The following CALB1 variants were observed in gnomAD, a reference collection of about 807,000 sequenced individuals.
CALB1 encodes calbindin.
A neutral mutation model predicts 46.7 loss-of-function variants in CALB1; 16 were observed. The ratio of observed to expected loss-of-function variants is 0.34; its 90% CI spans 0.23 to 0.52. CALB1 has a LOEUF of 0.52. Ranked by LOEUF, CALB1 falls within the 20% of genes least tolerant of loss-of-function variation. The probability of loss-of-function intolerance (pLI) is 0.95; values close to 1 mark genes in which losing one functional copy is unlikely to be tolerated. For missense variants in CALB1, 224 were observed against 300.3 expected (o/e 0.75, Z 1.88); for synonymous variants, 90 against 112.8 (o/e 0.80, Z 1.28).
At chr8:90,073,211 C>T (rs958039175) in intron 3 of CALB1, among the ~76,000 whole-genome samples, 1 of 152,052 alleles carries the variant, frequency 6.6e-6, no homozygotes, top group East Asian at 1.9e-4. Flanking sequence ...GGAGATAATT[C>T]CAATAACTTA....
intron 3 of CALB1, among the ~76,000 whole-genome samples, chr8:90,074,934 T>C (rs1814593655): frequency 6.6e-6 from 1 of 152,142 alleles, no homozygotes; most frequent in Admixed American, 6.5e-5. Flanking sequence ...AATCATTAAG[T>C]CTTCCTTTTT....
At chr8:90,072,551 T>C (rs1814550051) in intron 3 of CALB1, among the ~76,000 whole-genome samples, 1 of 152,236 alleles carries the variant, frequency 6.6e-6, no homozygotes, top group South Asian at 2.1e-4. Context: ...CTATAGTGAA[T>C]GTAAAGAAAT....
chr8:90,074,820 A>G (rs1814591529), intron 3 of CALB1, among the ~76,000 whole-genome samples: 1 of 152,172 alleles, frequency 6.6e-6, no homozygotes, highest in Non-Finnish European at 1.5e-5. Context: ...GTTCTCACAC[A>G]TTGCCAAAAG....
rs1222430985 is a variant in CALB1 at position 90,082,815 on chromosome 8, G to A, written c.-118C>T. The A allele has an allele frequency of 8.0e-5, 77 of 968,462 alleles. No individual in the cohort carries two copies. The highest frequency in any genetic ancestry group is 3.1e-4 in the Middle Eastern group (1 of 3,276). 60.0% of individuals were successfully genotyped at this position (968,462 alleles called of 1,614,324 possible). On this transcript the variant is annotated 5_prime_UTR_variant, in exon 1 of 11. Coordinates refer to ENST00000265431, the MANE Select transcript of CALB1 (RefSeq NM_004929.4). ...CAGGGCTGCGGAGGGAGACCTGGGCGCGGGCGCTGCCGGGCGCTGTCCTCG... is the reference window on the plus strand; with the variant it reads ...CAGGGCTGCGGAGGGAGACCTGGGCACGGGCGCTGCCGGGCGCTGTCCTCG...
chr8:90,062,842 A>T (rs746038428), intron 9 of CALB1: 2 of 332,074 alleles, frequency 6.0e-6, no homozygotes, highest in Non-Finnish European at 1.1e-5. Flanking sequence ...GCATGATGCC[A>T]CTTGTATGAG....
intron 3 of CALB1, among the ~76,000 whole-genome samples, chr8:90,077,783 A>G (rs1021872151): frequency 1.3e-5 from 2 of 152,108 alleles, no homozygotes; most frequent in Non-Finnish European, 1.5e-5. Context: ...ACTTTCAAAG[A>G]TTCACATGAA....
At chr8:90,067,410 C>G (rs1814421391) in intron 5 of CALB1, among the ~76,000 whole-genome samples, 1 of 152,086 alleles carries the variant, frequency 6.6e-6, no homozygotes, top group Non-Finnish European at 1.5e-5. Context: ...TGGAAATGAG[C>G]TAAGGTTTTC....
At position 90,065,958 on chromosome 8, in the gene CALB1, C is replaced by T. The variant is rs753146150; in HGVS notation, c.390G>A (p.Leu130=). ...CAACAGTCTTGTTTGCTTTTTCTAG[C>T]AGGTCCTTTAGAAAGTTCTGTTAAA... The part of the protein sequence containing the change: ...TEELKNFLKD[L]LEKANKTVDD... The change falls in exon 6 of 11, where the codon CTG becomes CTA. Residue 130 remains leucine (L), a synonymous_variant. Transcript: ENST00000265431. 7 of 1,609,336 alleles carry T rather than the reference C, an allele frequency of 4.3e-6. No homozygotes were observed. In the Admixed American group the frequency reaches 1.2e-4, roughly 27 times the overall value.
At chr8:90,081,872 G>A (rs538097055) in intron 2 of CALB1, among the ~76,000 whole-genome samples, 154 bp downstream of exon 2, 1 of 149,212 alleles carries the variant, frequency 6.7e-6, no homozygotes, top group African/African-American at 2.5e-5. Flanking sequence ...CTCTGTATTC[G>A]AGTTGGAAAA....
chr8:90,070,625 G>A (rs1814495476), intron 3 of CALB1, among the ~76,000 whole-genome samples: 1 of 151,730 alleles, frequency 6.6e-6, no homozygotes, highest in Admixed American at 6.6e-5. Flanking sequence ...CACCACACAT[G>A]TGGGTGAGAC....
intron 3 of CALB1, among the ~76,000 whole-genome samples, chr8:90,073,937 G>A (rs1055809046): frequency 5.3e-5 from 8 of 152,184 alleles, no homozygotes; most frequent in Non-Finnish European, 1.0e-4. Flanking sequence ...ATATCACAGT[G>A]CACATGAGGC....
chr8:90,075,135 T>G (rs1348166685), intron 3 of CALB1, among the ~76,000 whole-genome samples: 2 of 152,166 alleles, frequency 1.3e-5, no homozygotes, highest in Non-Finnish European at 2.9e-5. Flanking sequence ...AGGCAAGAAA[T>G]TAGAAAGTTC....
At chr8:90,082,596 AG>A (rs1563686483) in intron 1 of CALB1, 22 bp downstream of exon 1, 1 of 1,602,016 alleles carries the variant, frequency 6.2e-7, no homozygotes, top group Admixed American at 1.7e-5. Context: ...GTCTTGAAAC[AG>A]TTAAAAAGAG....
At chr8:90,082,546 C>T (rs1046879988) in intron 1 of CALB1, 73 bp downstream of exon 1, 12 of 1,218,888 alleles carry the variant, frequency 9.8e-6, no homozygotes, top group Non-Finnish European at 1.5e-5. Flanking sequence ...GATCAGGAGG[C>T]TCAGAAAAGG....
At chr8:90,070,581 T>C (rs1362259883) in intron 3 of CALB1, among the ~76,000 whole-genome samples, 1 of 152,182 alleles carries the variant, frequency 6.6e-6, no homozygotes, top group Non-Finnish European at 1.5e-5. Flanking sequence ...ATTTTTGAAA[T>C]AATATTTCAA....
chr8:90,059,592 T>G lies in CALB1; in HGVS notation c.*581A>C, dbSNP rs1017513846. ...GTCACATCAACTTGAACCGATAGTT[T>G]TGTATGGATCCAAGCAGTAGACATG... On this transcript the variant is annotated 3_prime_UTR_variant, in exon 11 of 11. Coordinates refer to ENST00000265431, the MANE Select transcript of CALB1 (RefSeq NM_004929.4). 1.3e-5 allele frequency: 2 copies of G among 152,274 alleles called. No individual in the cohort carries two copies. Among genetic ancestry groups the G allele is most frequent in the Admixed American group, 1.3e-4 (2 of 15,280 alleles). 9.4% of individuals were successfully genotyped at this position (152,274 alleles called of 1,614,324 possible).
At chr8:90,063,557 A>G (rs1014597953) in intron 6 of CALB1, 96 bp from the exon 7 acceptor site, 17 of 995,538 alleles carry the variant, frequency 1.7e-5, no homozygotes, top group African/African-American at 6.5e-5. Flanking sequence ...GTTATCAACT[A>G]CTTGTATATA....
intron 1 of CALB1, 157 bp downstream of exon 1, chr8:90,082,462 G>T: frequency 1.5e-6 from 1 of 668,524 alleles, no homozygotes; most frequent in East Asian, 2.7e-5. Context: ...CAGTTTGGCG[G>T]CCAGTCGGGG....
At chr8:90,071,617 C>T (rs1814519004) in intron 3 of CALB1, among the ~76,000 whole-genome samples, 2 of 151,758 alleles carry the variant, frequency 1.3e-5, no homozygotes, top group Admixed American at 6.6e-5. Context: ...GAAGAGGGAA[C>T]AAAGATGGAA....
Sources: allele counts gnomAD v4.1 joint callset (sites outside exome capture counted in the v4.1 genomes callset), GRCh38; gene constraint gnomAD v4.1.1; transcripts MANE v1.5; gene names NCBI Gene and HGNC (gene_info 2026-07-23, HGNC 2026-07-21).